Variants in STX8 observed in about 807,000 individuals in gnomAD.
STX8 encodes the protein syntaxin-8.
A neutral mutation model predicts 37.5 loss-of-function variants in STX8; 23 were observed. The ratio of observed to expected loss-of-function variants is 0.61; its 90% CI spans 0.44 to 0.87. The LOEUF (loss-of-function observed/expected upper bound fraction) is 0.87. STX8 is among the 40% of genes least tolerant of loss of function. The probability of loss-of-function intolerance (pLI) is 0.00; values close to 1 mark genes in which losing one functional copy is unlikely to be tolerated. For missense variants in STX8, 313 were observed against 284.7 expected, an observed-to-expected ratio of 1.10 and a Z score of -0.71; for synonymous variants, 115 against 99.1, an observed-to-expected ratio of 1.16 and a Z score of -0.95.
At chr17:9,407,663 C>T (rs1256661642) in intron 6 of STX8, among the ~76,000 whole-genome samples, 1 of 146,560 alleles carries the variant, frequency 6.8e-6, no homozygotes, top group Non-Finnish European at 1.5e-5. Flanking sequence ...GGCGGGACAA[C>T]TCAAAGCAGG....
At chr17:9,517,788 TAAAAA>T (rs11318149) in intron 4 of STX8, among the ~76,000 whole-genome samples, 8 of 98,724 alleles carry the variant, frequency 8.1e-5, no homozygotes, top group Admixed American at 1.2e-4. Flanking sequence ...ACCCCTATTG[TAAAAA>T]AAAAAAAAAA....
chr17:9,563,336 C>G (rs1907325866), intron 2 of STX8, among the ~76,000 whole-genome samples: 1 of 151,968 alleles, frequency 6.6e-6, no homozygotes, highest in Admixed American at 6.6e-5. Context: ...GTGCTCGCCA[C>G]CACACCCGGC....
At chr17:9,498,094 G>GA (rs1471557467) in intron 5 of STX8, among the ~76,000 whole-genome samples, 3 of 152,120 alleles carry the variant, frequency 2.0e-5, no homozygotes, top group African/African-American at 7.2e-5. Context: ...TGAAAGAGAA[G>GA]AAAATCAGGT....
intron 7 of STX8, among the ~76,000 whole-genome samples, chr17:9,364,022 G>C (rs1428823618): frequency 2.0e-5 from 3 of 152,170 alleles, no homozygotes; most frequent in African/African-American, 7.2e-5. Flanking sequence ...AATGCTGTTA[G>C]CAGAAAAACA....
chr17:9,431,834 G>A (rs1913996660), intron 6 of STX8, among the ~76,000 whole-genome samples: 1 of 152,178 alleles, frequency 6.6e-6, no homozygotes, highest in Admixed American at 6.5e-5. Flanking sequence ...TATGCTTGCA[G>A]AGCTTTCCCA....
intron 4 of STX8, among the ~76,000 whole-genome samples, chr17:9,519,710 C>A (rs1048040609): frequency 5.3e-5 from 8 of 150,296 alleles, no homozygotes; most frequent in African/African-American, 1.7e-4. Context: ...CGCTTCCACA[C>A]CCTACTTCGG....
intron 6 of STX8, among the ~76,000 whole-genome samples, chr17:9,427,737 G>A (rs1039304087): frequency 5.9e-5 from 9 of 152,278 alleles, no homozygotes; most frequent in African/African-American, 2.2e-4. Context: ...GACACAGAGG[G>A]AAGATGCCTG....
chr17:9,523,425 A>G (rs1475374334), intron 4 of STX8, among the ~76,000 whole-genome samples: 2 of 151,938 alleles, frequency 1.3e-5, no homozygotes, highest in African/African-American at 4.8e-5. Context: ...TTTAAAGAGA[A>G]ACAAATGCGC....
chr17:9,563,917 G>A (rs1907353262), intron 2 of STX8, among the ~76,000 whole-genome samples: 1 of 152,130 alleles, frequency 6.6e-6, no homozygotes. Context: ...TTTATCCCTG[G>A]GATGCAAGGT....
chr17:9,328,991 A>T (rs1208453594), intron 7 of STX8, among the ~76,000 whole-genome samples: 1 of 134,416 alleles, frequency 7.4e-6, no homozygotes, highest in Non-Finnish European at 1.5e-5. Context: ...TGGAGGTTGC[A>T]GTGAGCTGAG....
chr17:9,319,525 G>A (rs1909501186), intron 7 of STX8, among the ~76,000 whole-genome samples: 1 of 152,166 alleles, frequency 6.6e-6, no homozygotes, highest in South Asian at 2.1e-4. Context: ...TGCAACAGCA[G>A]CACATCATTT....
At chr17:9,455,495 G>C (rs780032599) in intron 6 of STX8, among the ~76,000 whole-genome samples, 1 of 152,060 alleles carries the variant, frequency 6.6e-6, no homozygotes. Context: ...GCGAGACTCT[G>C]TCTCAAAAAT....
chr17:9,292,431 TC>T (rs1908346405), intron 7 of STX8, among the ~76,000 whole-genome samples: 1 of 152,224 alleles, frequency 6.6e-6, no homozygotes, highest in South Asian at 2.1e-4. Flanking sequence ...ATGGTGCTTT[TC>T]TAAGCCACAG....
At chr17:9,431,773 C>T (rs1202651904) in intron 6 of STX8, among the ~76,000 whole-genome samples, 1 of 152,216 alleles carries the variant, frequency 6.6e-6, no homozygotes, top group Non-Finnish European at 1.5e-5. Context: ...ACATTAACAT[C>T]ATGGTGTTAA....
intron 6 of STX8, among the ~76,000 whole-genome samples, chr17:9,479,052 T>C (rs1397531032): frequency 6.6e-6 from 1 of 152,316 alleles, no homozygotes; most frequent in South Asian, 2.1e-4. Flanking sequence ...TTAGTTGTTA[T>C]TGCTGTTTTT....
intron 7 of STX8, among the ~76,000 whole-genome samples, chr17:9,288,113 G>A (rs961143268): frequency 4.7e-3 from 122 of 25,750 alleles, no homozygotes; most frequent in African/African-American, 5.6e-3. Context: ...GGGGGGGGGA[G>A]AAAAGCAAAA....
chr17:9,437,126 G>A (rs537097536), intron 6 of STX8, among the ~76,000 whole-genome samples: 3 of 152,214 alleles, frequency 2.0e-5, no homozygotes, highest in Non-Finnish European at 4.4e-5. Context: ...TGAGCAGACA[G>A]TTGTACTATT....
intron 6 of STX8, among the ~76,000 whole-genome samples, chr17:9,411,720 C>T (rs1304885908): frequency 6.6e-6 from 1 of 152,144 alleles, no homozygotes; most frequent in Admixed American, 6.5e-5. Context: ...GTAATTCAAG[C>T]CAATAATCTG....
At chr17:9,266,589 A>T (rs1907239817) in intron 7 of STX8, among the ~76,000 whole-genome samples, 1 of 152,158 alleles carries the variant, frequency 6.6e-6, no homozygotes, top group South Asian at 2.1e-4. Context: ...CCAAGAGTGT[A>T]GAAGAATTCA....
Sources: gnomAD v4.1 joint callset for allele counts (sites outside exome capture counted in the v4.1 genomes callset) on GRCh38, gnomAD v4.1.1 for gene constraint, MANE v1.5 for transcripts, NCBI Gene and HGNC (gene_info 2026-07-23, HGNC 2026-07-21) for gene names.